CERS6: variants seen among roughly 807,000 people sequenced by gnomAD.
CERS6 encodes the protein ceramide synthase 6, also known as LAG1 homolog, ceramide synthase 6.
Under a neutral mutation model 56.8 loss-of-function variants are expected in CERS6, and 26 were observed. The ratio of observed to expected loss-of-function variants is 0.46; its 90% confidence interval spans 0.34 to 0.63. The LOEUF is 0.63. Among genes scored for constraint, CERS6 ranks in the 30% least tolerant of loss-of-function variants. The pLI, the probability that CERS6 is intolerant of heterozygous loss-of-function variation, is 0.01. For synonymous variants in CERS6, 164 were observed against 173.3 expected (o/e 0.95, Z 0.42); for missense variants, 415 against 467.5 (o/e 0.89, Z 1.04).
At chr2:168,476,485 ATAGATAGATAAATATGT>A (rs968965042) in intron 1 of CERS6, among the ~76,000 whole-genome samples, 9 of 152,112 alleles carry the variant, frequency 5.9e-5, no homozygotes, top group African/African-American at 1.7e-4. Context: ...TAGATAGATG[ATAGATAGATAAATATGT>A]TAGATAGATT....
chr2:168,581,971 C>A (rs1683423981), intron 3 of CERS6, among the ~76,000 whole-genome samples: 5 of 152,178 alleles, frequency 3.3e-5, no homozygotes, highest in Admixed American at 3.3e-4. Flanking sequence ...CATGACTTAC[C>A]ATGACTCCCA....
chr2:168,610,046 C>T (rs4667583), intron 3 of CERS6, among the ~76,000 whole-genome samples: 43,864 of 147,926 alleles, frequency 0.3, 7,294 homozygotes, highest in African/African-American at 0.46. Flanking sequence ...GGCGCGACCT[C>T]GGCTCACTGC....
chr2:168,569,874 T>A (rs573218948), intron 3 of CERS6, among the ~76,000 whole-genome samples: 10 of 152,316 alleles, frequency 6.6e-5, no homozygotes, highest in African/African-American at 2.4e-4. Flanking sequence ...TTGTGAAGAC[T>A]AGATGAATTA....
chr2:168,588,282 A>G (rs1683591156), intron 3 of CERS6, among the ~76,000 whole-genome samples: 1 of 152,086 alleles, frequency 6.6e-6, no homozygotes, highest in Non-Finnish European at 1.5e-5. Context: ...ACCCATTTTT[A>G]AGTGTACAAT....
intron 4 of CERS6, among the ~76,000 whole-genome samples, chr2:168,683,977 A>G (rs1341544437): frequency 6.6e-6 from 1 of 152,146 alleles, no homozygotes; most frequent in Non-Finnish European, 1.5e-5. Flanking sequence ...TGTTTCTATG[A>G]TAGAACCCTC....
chr2:168,764,884 C>G (rs1684686535), intron 8 of CERS6, among the ~76,000 whole-genome samples: 2 of 152,060 alleles, frequency 1.3e-5, no homozygotes, highest in South Asian at 4.2e-4. Flanking sequence ...GGGTATATGC[C>G]CGAAAGATAC....
chr2:168,472,651 A>T (rs1333775281), intron 1 of CERS6, among the ~76,000 whole-genome samples: 1 of 152,238 alleles, frequency 6.6e-6, no homozygotes, highest in African/African-American at 2.4e-5. Context: ...CATAGTCAGA[A>T]CATCCATTTT....
intron 2 of CERS6, among the ~76,000 whole-genome samples, chr2:168,548,448 A>G (rs1035200230): frequency 2.6e-5 from 4 of 152,214 alleles, no homozygotes; most frequent in Non-Finnish European, 5.9e-5. Context: ...GCCATAGGAA[A>G]ATAGAGCAAA....
chr2:168,495,497 G>T (rs1694450593), intron 1 of CERS6, among the ~76,000 whole-genome samples: 1 of 152,156 alleles, frequency 6.6e-6, no homozygotes, highest in African/African-American at 2.4e-5. Flanking sequence ...CAAAGTCTAG[G>T]TGGAGAAGCA....
At chr2:168,492,252 C>T (rs1176075794) in intron 1 of CERS6, among the ~76,000 whole-genome samples, 1 of 152,182 alleles carries the variant, frequency 6.6e-6, no homozygotes, top group African/African-American at 2.4e-5. Context: ...TAAAAGCATT[C>T]CTATTCGTCC....
rs1684814524 is a variant in CERS6 at position 168,769,629 on chromosome 2, T to C, written c.1122T>C (p.Tyr374=). ...TTNGTSGTNG[Y]LLTGSCSMDD is the part of the protein sequence containing the mutation. ...ATGGGACCAGTGGTACCAACGGGTA[T>C]CTCCTGACTGGCTCCTGCTCCATGG... Residue 374 remains tyrosine (Y), a synonymous_variant, in exon 10 of 10, where the codon TAT becomes TAC. Coordinates refer to ENST00000305747, the MANE Select transcript of CERS6 (RefSeq NM_203463.3). 1 of 1,611,212 alleles carries C rather than the reference T, an allele frequency of 6.2e-7. No individual in the cohort carries two copies. The highest frequency in any genetic ancestry group is 1.7e-5 in the Admixed American group (1 of 59,358).
chr2:168,525,916 T>G (rs958213178), intron 1 of CERS6, among the ~76,000 whole-genome samples: 4 of 152,202 alleles, frequency 2.6e-5, no homozygotes, highest in African/African-American at 9.7e-5. Context: ...TTTTAAAAAT[T>G]TAATTGAGCT....
intron 1 of CERS6, among the ~76,000 whole-genome samples, chr2:168,492,396 G>C (rs1032953204): frequency 6.6e-6 from 1 of 151,982 alleles, no homozygotes; most frequent in African/African-American, 2.4e-5. Context: ...TTTCATGTTT[G>C]TTGGCCACAT....
chr2:168,724,514 G>A (rs994567848), intron 8 of CERS6, among the ~76,000 whole-genome samples: 3 of 152,068 alleles, frequency 2.0e-5, no homozygotes, highest in Admixed American at 6.5e-5. Context: ...TTGAGAGGGC[G>A]CTGATTGGTG....
intron 8 of CERS6, among the ~76,000 whole-genome samples, chr2:168,755,537 C>CACCCCACTGCAGGCCCCT (rs1684390930): frequency 6.6e-6 from 1 of 152,174 alleles, no homozygotes; most frequent in Non-Finnish European, 1.5e-5. Flanking sequence ...ACCATGCCCC[C>CACCCCACTGCAGGCCCCT]ACCCCACTGC....
intron 1 of CERS6, among the ~76,000 whole-genome samples, chr2:168,473,918 T>G (rs1574006234): frequency 6.6e-6 from 1 of 152,118 alleles, no homozygotes; most frequent in African/African-American, 2.4e-5. Flanking sequence ...TGATGCCAGG[T>G]GTGGTGGCAC....
At chr2:168,537,934 CTTG>C (rs751380201) in intron 1 of CERS6, among the ~76,000 whole-genome samples, 14 of 152,146 alleles carry the variant, frequency 9.2e-5, no homozygotes, top group Non-Finnish European at 1.9e-4. Flanking sequence ...AGGGCAAAAC[CTTG>C]TTGTTACCTC....
intron 4 of CERS6, among the ~76,000 whole-genome samples, chr2:168,687,734 A>G (rs1686390286): frequency 6.6e-6 from 1 of 152,122 alleles, no homozygotes; most frequent in South Asian, 2.1e-4. Flanking sequence ...ACAGGGTCTC[A>G]CTCTGTTGCT....
chr2:168,460,581 C>G (rs904532470), intron 1 of CERS6, among the ~76,000 whole-genome samples: 1 of 152,116 alleles, frequency 6.6e-6, no homozygotes, highest in East Asian at 1.9e-4. Context: ...TCAAAAGAAT[C>G]ATTTGGGCTG....
Sources: gnomAD v4.1 joint callset for allele counts (sites outside exome capture counted in the v4.1 genomes callset) on GRCh38, gnomAD v4.1.1 for gene constraint, MANE v1.5 for transcripts, NCBI Gene and HGNC (gene_info 2026-07-23, HGNC 2026-07-21) for gene names.